Variants in BCL9 observed in about 807,000 individuals in gnomAD.
BCL9 encodes the protein B-cell CLL/lymphoma 9 protein.
BCL9 carries 25 observed loss-of-function variants against 88.5 expected under a neutral mutation model. The ratio of observed to expected loss-of-function variants is 0.28; its 90% CI spans 0.21 to 0.39. BCL9 has a LOEUF of 0.39. Among genes scored for constraint, BCL9 ranks in the 10% least tolerant of loss-of-function variants. BCL9 has a pLI of 1.00. For missense variants in BCL9, 1,817 were observed against 1,877.8 expected (o/e 0.97, Z 0.60); for synonymous variants, 711 against 673.3 (o/e 1.06, Z -0.87).
In BCL9 at chr1:147,572,237, C is replaced by T. The variant is rs964922381; in HGVS notation, c.-478+30563C>T. Among the ~76,000 whole-genome samples the T allele has an allele frequency of 2.0e-5, 3 of 151,552 alleles. No homozygotes were observed. In the East Asian group the frequency reaches 5.8e-4, roughly 29 times the overall value. On this transcript the variant is annotated intron_variant, in intron 1 of 9. Transcript: ENST00000234739. Reference sequence around the variant, plus strand: ...AGCCTGGGCAAGTAGAGCGAGACTCCGTCTCAAAAAAACAAAAACAAAAAC... The same window carrying T: ...AGCCTGGGCAAGTAGAGCGAGACTCTGTCTCAAAAAAACAAAAACAAAAAC...
At chr1:147,547,482 C>T (rs587646083) in intron 1 of BCL9, among the ~76,000 whole-genome samples, 1 of 152,242 alleles carries the variant, frequency 6.6e-6, no homozygotes, top group South Asian at 2.1e-4. Context: ...GCAAGGGAAA[C>T]CAGTTCAAGG....
chr1:147,588,006 A>G (rs1426518233), intron 1 of BCL9, among the ~76,000 whole-genome samples: 1 of 152,210 alleles, frequency 6.6e-6, no homozygotes, highest in Non-Finnish European at 1.5e-5. Context: ...ATATAGTAAT[A>G]TGTGCTTCTT....
chr1:147,558,681 G>A (rs1546161), intron 1 of BCL9, among the ~76,000 whole-genome samples: 25,809 of 151,950 alleles, frequency 0.17, 2,912 homozygotes, highest in Admixed American at 0.29. Flanking sequence ...AGCGTCCCCC[G>A]AAGACTTCTT....
At chr1:147,612,023 C>A in intron 4 of BCL9, 134 bp downstream of exon 4, 1 of 840,022 alleles carries the variant, frequency 1.2e-6, no homozygotes, top group Non-Finnish European at 1.9e-6. Context: ...AGAAAATAGA[C>A]TAGTAAATAG....
At chr1:147,550,391 T>G (rs1654835999) in intron 1 of BCL9, among the ~76,000 whole-genome samples, 1 of 152,100 alleles carries the variant, frequency 6.6e-6, no homozygotes, top group African/African-American at 2.4e-5. Context: ...TACTAAAAAT[T>G]AAAATTTTCA....
At chr1:147,615,631 TA>T (rs1553203682) in intron 6 of BCL9, among the ~76,000 whole-genome samples, 171 bp from the exon 7 acceptor site, 3 of 152,250 alleles carry the variant, frequency 2.0e-5, no homozygotes, top group African/African-American at 7.2e-5. Context: ...TGATAAGTGG[TA>T]AATATAAATA....
intron 1 of BCL9, among the ~76,000 whole-genome samples, chr1:147,567,209 T>A (rs1553196824): frequency 6.6e-6 from 1 of 152,150 alleles, no homozygotes; most frequent in Non-Finnish European, 1.5e-5. Flanking sequence ...ACAAGTGGAT[T>A]TTACAAACCC....
In BCL9 at chr1:147,619,348, C is replaced by T; in HGVS notation, c.1193C>T (p.Pro398Leu). The T allele has an allele frequency of 6.2e-7, 1 of 1,613,918 alleles. No individual in the cohort carries two copies. Among genetic ancestry groups the T allele is most frequent in the Non-Finnish European group, 8.5e-7 (1 of 1,179,992 alleles). Residue 398 changes from proline (P) to leucine (L), a missense_variant, in exon 8 of 10, where the codon CCT becomes CTT. Around this residue, in one of 2 missense-constraint regions of BCL9, gnomAD observed 1,228 missense variants for 1,191.6 expected, o/e 1.03. Transcript: ENST00000234739. This position sits in a 1 kb window ranked among gnomAD's most constrained non-coding sequence, Gnocchi z 4.1. The stretch of plus-strand genomic sequence containing the variant: ...CAGAATCCTGGGGTATTAGATGGGC[C>T]TCAGAAAAAACCAGAAGGGCCAATA... ...PQQNPGVLDG[P>L]QKKPEGPIQA...
intron 1 of BCL9, among the ~76,000 whole-genome samples, chr1:147,586,656 A>C: frequency 6.6e-6 from 1 of 151,858 alleles, no homozygotes; most frequent in East Asian, 1.9e-4. Flanking sequence ...AGTGCTCGGG[A>C]CCCTATGGAC....
intron 1 of BCL9, among the ~76,000 whole-genome samples, chr1:147,592,103 C>A (rs1434554489): frequency 6.6e-6 from 1 of 152,168 alleles, no homozygotes; most frequent in Non-Finnish European, 1.5e-5. Context: ...GGTTCCTTAA[C>A]CACCTGGATA....
At chr1:147,569,720 A>G (rs1655789104) in intron 1 of BCL9, among the ~76,000 whole-genome samples, 1 of 152,204 alleles carries the variant, frequency 6.6e-6, no homozygotes, top group African/African-American at 2.4e-5. Flanking sequence ...GCAAGACTGG[A>G]GACAGAGATA....
chr1:147,608,685 G>T (rs1553202279), intron 3 of BCL9, among the ~76,000 whole-genome samples: 1 of 152,180 alleles, frequency 6.6e-6, no homozygotes, highest in African/African-American at 2.4e-5. Context: ...GACGTAGAAG[G>T]TATTTTGAAG....
rs781914711 is a variant in BCL9 at position 147,619,962 on chromosome 1, C to T, written c.1807C>T (p.Arg603Ter). Residue 603 changes from arginine (R) to a stop codon, truncating the protein, a stop_gained, in exon 8 of 10, where the codon CGA (arginine) becomes TGA (stop). Coordinates refer to ENST00000234739, the MANE Select transcript of BCL9 (RefSeq NM_004326.4). LOFTEE classifies it high-confidence loss of function. This position sits in a 1 kb window ranked among gnomAD's most constrained non-coding sequence, Gnocchi z 4.1. ...TGATGTGCCAAAAATCCCAGATGGT[C>T]GAAATTTTCCTCCTGGCCAGGGCAT... ...PDDVPKIPDG[R>*]NFPPGQGIFS... is the part of the protein sequence containing the mutation. 6.2e-7 allele frequency: 1 copy of T among 1,614,140 alleles called. No homozygotes were observed. Among genetic ancestry groups the T allele is most frequent in the Non-Finnish European group, 8.5e-7 (1 of 1,180,024 alleles).
At chr1:147,622,193 TTCATAA>T in intron 8 of BCL9, 72 bp from the exon 9 acceptor site, 1 of 1,561,540 alleles carries the variant, frequency 6.4e-7, no homozygotes, top group Non-Finnish European at 8.7e-7. Context: ...GCCTTGCTAG[TTCATAA>T]TCATAGGGCC....
At chr1:147,576,553 G>A (rs1553198114) in intron 1 of BCL9, among the ~76,000 whole-genome samples, 1 of 152,148 alleles carries the variant, frequency 6.6e-6, no homozygotes, top group Non-Finnish European at 1.5e-5. Context: ...AAACATTGTG[G>A]TGATATACTG....
intron 2 of BCL9, 121 bp downstream of exon 2, chr1:147,605,032 A>G (rs951414289): frequency 1.3e-4 from 20 of 152,332 alleles, no homozygotes; most frequent in African/African-American, 4.3e-4. Context: ...TATTCTAAGA[A>G]TTCTCAAGGC....
chr1:147,612,865 G>A lies in BCL9; in HGVS notation c.54-18G>A. ...TGTATCTGGTGTCTGATCTTCCTTT[G>A]TTATTTGTTTCTTTTAGTAGCCCTA... On this transcript the variant is annotated intron_variant, in intron 4 of 9. Coordinates refer to ENST00000234739, the MANE Select transcript of BCL9 (RefSeq NM_004326.4). 1 of 1,611,748 alleles carries A rather than the reference G, an allele frequency of 6.2e-7. No individual in the cohort carries two copies. The highest frequency in any genetic ancestry group is 8.5e-7 in the Non-Finnish European group (1 of 1,178,364).
rs182755530 is a variant in BCL9 at position 147,607,980 on chromosome 1, A to G, written c.-260+1114A>G. Among the ~76,000 whole-genome samples, 19 of 152,280 alleles carry G rather than the reference A, an allele frequency of 1.2e-4. No individual in the cohort carries two copies. In the South Asian group the frequency reaches 3.9e-3, roughly 32 times the overall value. On this transcript the variant is annotated intron_variant, in intron 3 of 9. Transcript: ENST00000234739. ...TCAGAGTAGAGTCCAGAGGAACTCT[A>G]AAGTTGAGAGATCAGGTAAAAAAGG... is the stretch of plus-strand genomic sequence containing the variant.
intron 1 of BCL9, among the ~76,000 whole-genome samples, chr1:147,567,773 C>T (rs964563462): frequency 2.0e-5 from 3 of 152,192 alleles, no homozygotes; most frequent in African/African-American, 7.2e-5. Flanking sequence ...GAGCCTGCCC[C>T]TTCCCCCTCC....
Sources: gnomAD v4.1 joint callset for allele counts (sites outside exome capture counted in the v4.1 genomes callset) on GRCh38, gnomAD v4.1.1 for gene constraint, gnomAD v4.1.1 regional missense constraint, Gnocchi (gnomAD v3.1) non-coding constraint, MANE v1.5 for transcripts, NCBI Gene and HGNC (gene_info 2026-07-23, HGNC 2026-07-21) for gene names.